The following RETREG1 variants were observed in gnomAD, a reference collection of about 807,000 sequenced individuals.
RETREG1 encodes the protein family with sequence similarity 134 member B.
In RETREG1, 44 loss-of-function variants were observed where a neutral mutation model predicts 54.8. The ratio of observed to expected loss-of-function variants is 0.80; its 90% confidence interval spans 0.63 to 1.03. The LOEUF (loss-of-function observed/expected upper bound fraction) is 1.03. Among genes scored for constraint, RETREG1 ranks in the 50% least tolerant of loss-of-function variants. The pLI is 0.00. For synonymous variants in RETREG1, 217 were observed against 238.5 expected (o/e 0.91, Z 0.83); for missense variants, 554 against 605.1 (o/e 0.92, Z 0.89).
intron 3 of RETREG1, among the ~76,000 whole-genome samples, chr5:16,501,629 G>A (rs181909931): frequency 2.2e-4 from 34 of 151,762 alleles, no homozygotes; most frequent in African/African-American, 7.3e-4. Context: ...TGCAACCTCC[G>A]CCTCCCAGGT....
intron 3 of RETREG1, among the ~76,000 whole-genome samples, chr5:16,538,635 C>T (rs948364353): frequency 2.0e-5 from 3 of 152,118 alleles, no homozygotes; most frequent in African/African-American, 7.2e-5. Flanking sequence ...ACCAAGACAC[C>T]ATGTACCTTT....
Position 16,479,024 on chromosome 5 carries a change from C to T in RETREG1, c.671-37G>A, listed in dbSNP as rs752411227. ...AAGAGAGCAGAGGTAAAATGCCTTT[C>T]CTTTCAAAAGGCTACGTACATTTCA... On this transcript the variant is annotated intron_variant, in intron 5 of 8. Transcript: ENST00000306320. 5.0e-6 allele frequency: 8 copies of T among 1,602,754 alleles called. No homozygotes were observed. In the Admixed American group the frequency reaches 8.4e-5, roughly 17 times the overall value.
At chr5:16,578,554 A>G (rs1410578752) in intron 1 of RETREG1, among the ~76,000 whole-genome samples, 2 of 152,202 alleles carry the variant, frequency 1.3e-5, no homozygotes, top group Non-Finnish European at 1.5e-5. Context: ...GGCATCACTC[A>G]GAGAAGGACT....
At chr5:16,509,652 A>G (rs1740104111) in intron 3 of RETREG1, among the ~76,000 whole-genome samples, 1 of 151,890 alleles carries the variant, frequency 6.6e-6, no homozygotes, top group East Asian at 1.9e-4. Flanking sequence ...TTGACTAGGA[A>G]TGTTAGGGAT....
At chr5:16,506,674 CG>C (rs1177345551) in intron 3 of RETREG1, among the ~76,000 whole-genome samples, 1 of 152,006 alleles carries the variant, frequency 6.6e-6, no homozygotes, top group Non-Finnish European at 1.5e-5. Flanking sequence ...GTGTGAGCCA[CG>C]GCACCAGGCC....
chr5:16,584,118 A>G (rs2451855), intron 1 of RETREG1, among the ~76,000 whole-genome samples: 22,150 of 152,112 alleles, frequency 0.15, 1,606 homozygotes, highest in African/African-American at 0.17. Flanking sequence ...AATAATGACA[A>G]TGGGCTTCAG....
In RETREG1 at chr5:16,581,254, C is replaced by T. The variant is rs543088619; in HGVS notation, c.321-9152G>A. ...AGTCGGAGGCAGGACTGCACGTGAG[C>T]TGAGGCTCCAATCCCCTGTGCATGC... On this transcript the variant is annotated intron_variant, in intron 1 of 8. Coordinates refer to ENST00000306320, the MANE Select transcript of RETREG1 (RefSeq NM_001034850.3). Among the ~76,000 whole-genome samples the T allele has an allele frequency of 2.7e-4, 41 of 152,296 alleles. No individual in the cohort carries two copies. The South Asian group carries it at 5.0e-3, about 18-fold the overall frequency.
At chr5:16,521,054 C>T (rs985000894) in intron 3 of RETREG1, among the ~76,000 whole-genome samples, 1 of 152,200 alleles carries the variant, frequency 6.6e-6, no homozygotes, top group Non-Finnish European at 1.5e-5. Flanking sequence ...TACTGAGTCT[C>T]CTTTCATTGC....
intron 3 of RETREG1, among the ~76,000 whole-genome samples, chr5:16,539,974 C>T (rs751294366): frequency 1.1e-4 from 17 of 152,188 alleles, no homozygotes; most frequent in Non-Finnish European, 1.8e-4. Flanking sequence ...CTGAAGGATG[C>T]GCATGTTAAA....
At chr5:16,528,485 G>A (rs942025275) in intron 3 of RETREG1, among the ~76,000 whole-genome samples, 2 of 152,106 alleles carry the variant, frequency 1.3e-5, no homozygotes, top group Non-Finnish European at 2.9e-5. Flanking sequence ...CCTGGGACAG[G>A]AGTCAGCTCT....
intron 3 of RETREG1, among the ~76,000 whole-genome samples, chr5:16,506,477 GTTTT>G (rs34135867): frequency 7.6e-5 from 11 of 144,504 alleles, no homozygotes; most frequent in African/African-American, 1.0e-4. Flanking sequence ...TTGTTTTTTT[GTTTT>G]TTTTTTTTTT....
At chr5:16,537,393 G>A (rs752348661) in intron 3 of RETREG1, among the ~76,000 whole-genome samples, 4 of 152,204 alleles carry the variant, frequency 2.6e-5, no homozygotes, top group Non-Finnish European at 5.9e-5. Flanking sequence ...GCTACCAGCT[G>A]CAAACATCTG....
In RETREG1 at chr5:16,571,938, C is replaced by T. The variant is rs1742179926; in HGVS notation, c.427+58G>A. The T allele has an allele frequency of 1.4e-5, 19 of 1,314,304 alleles. No individual in the cohort carries two copies. The South Asian group carries it at 2.2e-4, about 15-fold the overall frequency. The allele number at this position is 1,314,304 out of a possible 1,614,324, so 81.4% of individuals were successfully genotyped here. On this transcript the variant is annotated intron_variant, in intron 2 of 8. Transcript: ENST00000306320. Reference sequence around the variant, plus strand: ...TTGGCTAATATGCCTACACAAAGATCAGAAATGCAGGGTCTAGAAAATTAA... The same window carrying T: ...TTGGCTAATATGCCTACACAAAGATTAGAAATGCAGGGTCTAGAAAATTAA...
intron 1 of RETREG1, among the ~76,000 whole-genome samples, chr5:16,587,927 T>G (rs1204344490): frequency 1.3e-5 from 2 of 152,150 alleles, no homozygotes; most frequent in Admixed American, 1.3e-4. Flanking sequence ...GAATGAATCT[T>G]GATCACACCC....
rs68174462 is a variant in RETREG1, at chr5:16,577,037, G to GCA, written c.321-4937_321-4936dup. ...TTTCCCCACTCATTTTTGTGTGCACGCACACACACACACACACACACAGAC... is the reference window on the plus strand; with the variant it reads ...TTTCCCCACTCATTTTTGTGTGCACGCACACACACACACACACACACACAGAC... On this transcript the variant is annotated intron_variant, in intron 1 of 8. Coordinates refer to ENST00000306320, the MANE Select transcript of RETREG1 (RefSeq NM_001034850.3). Among the ~76,000 whole-genome samples the GCA allele has an allele frequency of 6.7e-3, 1,015 of 150,552 alleles. 8 individuals carry two copies. The highest frequency in any genetic ancestry group is 0.022 in the African/African-American group (893 of 40,968).
chr5:16,506,984 T>C (rs1739984071), intron 3 of RETREG1, among the ~76,000 whole-genome samples: 1 of 152,224 alleles, frequency 6.6e-6, no homozygotes, highest in African/African-American at 2.4e-5. Flanking sequence ...GTTATGTGAA[T>C]GTATAGCTAT....
rs770388197 is a variant in RETREG1, at chr5:16,475,172, T to A, written c.1063A>T (p.Asn355Tyr). The change falls in exon 9 of 9, where the codon AAT becomes TAT. Residue 355 changes from asparagine to tyrosine, a missense_variant. By Grantham distance (143) the Asn-to-Tyr change is moderately radical. Around this residue, in one of 4 missense-constraint regions of RETREG1, gnomAD observed 347 missense variants for 412.3 expected, o/e 0.84. Transcript: ENST00000306320. ...RDLSDFPSLENGMGTNDEDEL... is the reference protein window; with the variant it reads ...RDLSDFPSLEYGMGTNDEDEL... ...TCTTCATCATTTGTTCCCATGCCAT[T>A]TTCTAGAGATGGAAAATCTGAAAGA... 18 of 1,613,770 alleles carry A rather than the reference T, an allele frequency of 1.1e-5. No individual in the cohort carries two copies. The highest frequency in any genetic ancestry group is 9.3e-6 in the Non-Finnish European group (11 of 1,179,894).
chr5:16,548,045 A>C (rs1439260534), intron 3 of RETREG1, among the ~76,000 whole-genome samples: 1 of 152,144 alleles, frequency 6.6e-6, no homozygotes, highest in Non-Finnish European at 1.5e-5. Context: ...CACATCAAAA[A>C]CTATTCTCAA....
At chr5:16,508,934 G>C (rs1740075555) in intron 3 of RETREG1, 1 of 1,186,412 alleles carries the variant, frequency 8.4e-7, no homozygotes, top group African/African-American at 1.6e-5. Flanking sequence ...CTGCCCAGCT[G>C]CCCCGCATTC....
Sources: gnomAD v4.1 joint callset for allele counts (sites outside exome capture counted in the v4.1 genomes callset) on GRCh38, gnomAD v4.1.1 for gene constraint, gnomAD v4.1.1 regional missense constraint, MANE v1.5 for transcripts, NCBI Gene and HGNC (gene_info 2026-07-23, HGNC 2026-07-21) for gene names.